The following RPS23 variants were observed in gnomAD, a reference collection of about 807,000 sequenced individuals.
The protein encoded by RPS23 is ribosomal protein S23, also known as small ribosomal subunit protein uS12.
For synonymous variants in RPS23, 66 were observed against 60.4 expected, an observed-to-expected ratio of 1.09 and a Z score of -0.43; for missense variants, 73 against 174.5, an observed-to-expected ratio of 0.42 and a Z score of 3.28.
chr5:82,274,358 CG>C lies in RPS23; in HGVS notation c.*1750del, dbSNP rs1191343482. On this transcript the variant is annotated 3_prime_UTR_variant, in exon 4 of 4. Transcript: ENST00000296674. ...TCAGCAGCTTCTGGATCTGAGGCGCCGGAGATTATTTATGGGTCAATCTGGC... is the reference window on the plus strand; with the variant it reads ...TCAGCAGCTTCTGGATCTGAGGCGCCGAGATTATTTATGGGTCAATCTGGC... 6.6e-6 allele frequency: 1 copy of C among 152,434 alleles called. No homozygotes were observed. The highest frequency in any genetic ancestry group is 1.5e-5 in the Non-Finnish European group (1 of 68,312). 9.4% of individuals were successfully genotyped at this position (152,434 alleles called of 1,614,324 possible).
chr5:82,275,360 A>G lies in RPS23; in HGVS notation c.*749T>C. ...TCAATACCTAGCTTAAATTATCAAA[A>G]CACAACCAATCTTGTCTCTACACTA... is the stretch of plus-strand genomic sequence containing the variant. On this transcript the variant is annotated 3_prime_UTR_variant, in exon 4 of 4. Transcript: ENST00000296674. 3 of 701,902 alleles carry G rather than the reference A, an allele frequency of 4.3e-6. No homozygotes were observed. The highest frequency in any genetic ancestry group is 1.7e-5 in the African/African-American group (1 of 57,342). The allele number at this position is 701,902 out of a possible 1,614,324, so 43.5% of individuals were successfully genotyped here.
At position 82,276,037 on chromosome 5, in the gene RPS23, CAG is replaced by C. The variant is rs751479867; in HGVS notation, c.*70_*71del. On this transcript the variant is annotated 3_prime_UTR_variant, in exon 4 of 4. Coordinates refer to ENST00000296674, the MANE Select transcript of RPS23 (RefSeq NM_001025.5). ...ATGAACATGATCTTCGTGGTGAGAA[CAG>C]GGGACAGTAAGATACAAACATTTTT... The C allele has an allele frequency of 3.8e-5, 54 of 1,409,870 alleles. No homozygotes were observed. The highest frequency in any genetic ancestry group is 4.4e-5 in the Non-Finnish European group (45 of 1,022,914). The allele number at this position is 1,409,870 out of a possible 1,614,324, so 87.3% of individuals were successfully genotyped here.
At position 82,275,522 on chromosome 5, in the gene RPS23, A is replaced by G; in HGVS notation, c.*587T>C. On this transcript the variant is annotated 3_prime_UTR_variant, in exon 4 of 4. Transcript: ENST00000296674. ...TATACTTCCATCAACTAAATGATCCAATGCCTGTATTCTCCTAAACACATT... is the reference window on the plus strand; with the variant it reads ...TATACTTCCATCAACTAAATGATCCGATGCCTGTATTCTCCTAAACACATT... 3 of 586,634 alleles carry G rather than the reference A, an allele frequency of 5.1e-6. No homozygotes were observed. The highest frequency in any genetic ancestry group is 4.1e-5 in the South Asian group (2 of 48,580). 36.3% of individuals were successfully genotyped at this position (586,634 alleles called of 1,614,324 possible).
Position 82,275,249 on chromosome 5 carries a change from A to C in RPS23, c.*860T>G. ...GTTTCTTACATCAGATTTAAAGCAG[A>C]AGGCTCACAGCTTCATTTCAACCAT... On this transcript the variant is annotated 3_prime_UTR_variant, in exon 4 of 4. Coordinates refer to ENST00000296674, the MANE Select transcript of RPS23 (RefSeq NM_001025.5). 1.4e-6 allele frequency: 1 copy of C among 702,646 alleles called. No individual in the cohort carries two copies. The highest frequency in any genetic ancestry group is 2.6e-6 in the Non-Finnish European group (1 of 385,014). The allele number at this position is 702,646 out of a possible 1,614,324, so 43.5% of individuals were successfully genotyped here.
chr5:82,276,376 A>C (rs374872562), intron 3 of RPS23, 22 bp downstream of exon 3: 10 of 1,613,784 alleles, frequency 6.2e-6, no homozygotes, highest in Non-Finnish European at 8.5e-6. Context: ...AACAGAAGGT[A>C]CGATAGAGTT....
At chr5:82,276,331 G>T (rs112359833) in intron 3 of RPS23, 67 bp downstream of exon 3, 27,826 of 1,611,518 alleles carry the variant, frequency 0.017, 308 homozygotes, top group East Asian at 0.05. Context: ...AAACTCCCTT[G>T]CATCAGATAA....
At position 82,275,852 on chromosome 5, in the gene RPS23, A is replaced by T; in HGVS notation, c.*257T>A. ...TGCACATTTATTCCAGATCTATCCC[A>T]TTTTCTTATTCCACAGGATGAGGGA... On this transcript the variant is annotated 3_prime_UTR_variant, in exon 4 of 4. Coordinates refer to ENST00000296674, the MANE Select transcript of RPS23 (RefSeq NM_001025.5). The T allele has an allele frequency of 2.2e-6, 1 of 450,940 alleles. No individual in the cohort carries two copies. 27.9% of individuals were successfully genotyped at this position (450,940 alleles called of 1,614,324 possible). A position where few individuals can be genotyped will look rare whatever the true frequency, so the allele number is the denominator to read the frequency against.
Position 82,278,338 on chromosome 5 carries a change from G to T in RPS23, c.-15C>A, listed in dbSNP as rs370404124. ...AGCTCACCCATCCTGTCGGCGCCAC[G>T]GGCCTGAGCGAAAGAGAGAAGCACC... is the stretch of plus-strand genomic sequence containing the variant. On this transcript the variant is annotated 5_prime_UTR_variant, in exon 1 of 4. Coordinates refer to ENST00000296674, the MANE Select transcript of RPS23 (RefSeq NM_001025.5). 5.6e-6 allele frequency: 9 copies of T among 1,608,240 alleles called. No homozygotes were observed. The highest frequency in any genetic ancestry group is 6.8e-6 in the Non-Finnish European group (8 of 1,177,840).
In RPS23 at chr5:82,276,381, A is replaced by G. The variant is rs762903562; in HGVS notation, c.285+17T>C. ...CCACCCCAAGAACAGAAGGTACGAT[A>G]GAGTTGAAATACTCACCTCAATAAA... On this transcript the variant is annotated intron_variant, in intron 3 of 3. Coordinates refer to ENST00000296674, the MANE Select transcript of RPS23 (RefSeq NM_001025.5). The G allele has an allele frequency of 6.2e-7, 1 of 1,613,938 alleles. No individual in the cohort carries two copies. Among genetic ancestry groups the G allele is most frequent in the South Asian group, 1.1e-5 (1 of 91,062 alleles).
chr5:82,275,382 A>G lies in RPS23; in HGVS notation c.*727T>C, dbSNP rs1029733610. 2 of 696,720 alleles carry G rather than the reference A, an allele frequency of 2.9e-6. No individual in the cohort carries two copies. The highest frequency in any genetic ancestry group is 1.8e-5 in the African/African-American group (1 of 57,082). 43.2% of individuals were successfully genotyped at this position (696,720 alleles called of 1,614,324 possible). Reference sequence around the variant, plus strand: ...AAAACACAACCAATCTTGTCTCTACACTAAACCACTTCATTTGCTGACTAG... The same window carrying G: ...AAAACACAACCAATCTTGTCTCTACGCTAAACCACTTCATTTGCTGACTAG... On this transcript the variant is annotated 3_prime_UTR_variant, in exon 4 of 4. Coordinates refer to ENST00000296674, the MANE Select transcript of RPS23 (RefSeq NM_001025.5).
chr5:82,278,245 A>C, intron 1 of RPS23, 75 bp downstream of exon 1: 1 of 1,491,230 alleles, frequency 6.7e-7, no homozygotes, highest in South Asian at 1.2e-5. Context: ...GCCCTACTCT[A>C]TTCGCATCCG....
chr5:82,277,520 A>G, intron 2 of RPS23, 173 bp downstream of exon 2: 1 of 704,306 alleles, frequency 1.4e-6, no homozygotes, highest in Non-Finnish European at 2.5e-6. Flanking sequence ...CTAATTCCCA[A>G]AAACTAATTT....
rs1217925622 is a variant in RPS23 at position 82,276,534 on chromosome 5, C to CACA, written c.165-19_165-17dup. 1 of 1,613,624 alleles carries CACA rather than the reference C, an allele frequency of 6.2e-7. No individual in the cohort carries two copies. Among genetic ancestry groups the CACA allele is most frequent in the African/African-American group, 1.3e-5 (1 of 74,904 alleles). Reference sequence around the variant, plus strand: ...TTCAACTCCTCTGAAATACAAAAGGCACAGCACTGTGAGCTGGCTTTCTGA... The same window carrying CACA: ...TTCAACTCCTCTGAAATACAAAAGGCACAACAGCACTGTGAGCTGGCTTTCTGA... On this transcript the variant is annotated splice_polypyrimidine_tract_variant and intron_variant, in intron 2 of 3. Coordinates refer to ENST00000296674, the MANE Select transcript of RPS23 (RefSeq NM_001025.5).
At chr5:82,278,172 A>ATGTGC (rs1747994646) in intron 1 of RPS23, 148 bp downstream of exon 1, 1 of 1,045,980 alleles carries the variant, frequency 9.6e-7, no homozygotes, top group African/African-American at 1.6e-5. Context: ...GCGCCGGACC[A>ATGTGC]CGTGCCTCCT....
At position 82,276,295 on chromosome 5, in the gene RPS23, G is replaced by C. The variant is rs111635232; in HGVS notation, c.286-40C>G. The C allele has an allele frequency of 1.7e-3, 2,748 of 1,612,402 alleles. 40 individuals carry two copies. The African/African-American group carries it at 0.03, about 18-fold the overall frequency. Reference sequence around the variant, plus strand: ...GAAGTTTATTTCTGGTGTTGGTGGCGATCACAAAAATACTTTCATGTGAGG... The same window carrying C: ...GAAGTTTATTTCTGGTGTTGGTGGCCATCACAAAAATACTTTCATGTGAGG... On this transcript the variant is annotated intron_variant, in intron 3 of 3. Coordinates refer to ENST00000296674, the MANE Select transcript of RPS23 (RefSeq NM_001025.5).
In RPS23 at chr5:82,274,044, C is replaced by T. The variant is rs1747715384; in HGVS notation, c.*2065G>A. The T allele has an allele frequency of 2.0e-5, 3 of 151,970 alleles. No homozygotes were observed. The highest frequency in any genetic ancestry group is 7.3e-5 in the African/African-American group (3 of 41,364). The allele number at this position is 151,970 out of a possible 1,614,324, so 9.4% of individuals were successfully genotyped here. Reference sequence around the variant, plus strand: ...CCATTTTACATTTAGATATATGATCCATTTTGAGTTAAGTTTGTATTACAT... The same window carrying T: ...CCATTTTACATTTAGATATATGATCTATTTTGAGTTAAGTTTGTATTACAT... On this transcript the variant is annotated 3_prime_UTR_variant, in exon 4 of 4. Transcript: ENST00000296674.
At chr5:82,278,039 C>T (rs936940861) in intron 1 of RPS23, 187 bp from the exon 2 acceptor site, 3 of 659,774 alleles carry the variant, frequency 4.5e-6, no homozygotes, top group East Asian at 2.7e-5. Flanking sequence ...TCGAAGAGGG[C>T]TCCGGAGAAT....
At chr5:82,276,726 T>C in intron 2 of RPS23, 1 of 628,866 alleles carries the variant, frequency 1.6e-6, no homozygotes, top group Non-Finnish European at 2.7e-6. Context: ...TTTACAGTTA[T>C]AAAAGTAGAC....
chr5:82,275,401 T>C lies in RPS23; in HGVS notation c.*708A>G. ...CTCTACACTAAACCACTTCATTTGC[T>C]GACTAGTCTTTGAAGACATGAAGGT... On this transcript the variant is annotated 3_prime_UTR_variant, in exon 4 of 4. Transcript: ENST00000296674. 11 of 689,688 alleles carry C rather than the reference T, an allele frequency of 1.6e-5. No homozygotes were observed. In the South Asian group the frequency reaches 1.7e-4, roughly 11 times the overall value. The allele number at this position is 689,688 out of a possible 1,614,324, so 42.7% of individuals were successfully genotyped here.
Sources: gnomAD v4.1 joint callset for allele counts on GRCh38, gnomAD v4.1.1 for gene constraint, MANE v1.5 for transcripts, NCBI Gene and HGNC (gene_info 2026-07-23, HGNC 2026-07-21) for gene names.